Variants in RSBN1L observed in about 807,000 individuals in gnomAD.
The protein encoded by RSBN1L is round spermatid basic protein 1 like.
RSBN1L carries 30 observed loss-of-function variants against 67.7 expected under a neutral mutation model. The ratio of observed to expected loss-of-function variants is 0.44; its 90% CI spans 0.33 to 0.60. The LOEUF (loss-of-function observed/expected upper bound fraction) is 0.60. Among genes scored for constraint, RSBN1L ranks in the 20% least tolerant of loss-of-function variants. RSBN1L has a pLI of 0.02. For missense variants in RSBN1L, 992 were observed against 1,031.7 expected, an observed-to-expected ratio of 0.96 and a Z score of 0.53; for synonymous variants, 433 against 387.0, an observed-to-expected ratio of 1.12 and a Z score of -1.39.
chr7:77,773,082 T>G lies in RSBN1L; in HGVS notation c.1626-65T>G, dbSNP rs76065544. On this transcript the variant is annotated intron_variant, in intron 5 of 7. Coordinates refer to ENST00000334955, the MANE Select transcript of RSBN1L (RefSeq NM_198467.3). ...TATATTTTTGTCTGAATTATGTGAT[T>G]ATTGAATGTTTGATAGCAATTAAGT... 3,957 of 831,706 alleles carry G rather than the reference T, an allele frequency of 4.8e-3. 90 individuals are homozygous for G. Among genetic ancestry groups the G allele is most frequent in the East Asian group, 0.043 (1,565 of 36,514 alleles). The allele number at this position is 831,706 out of a possible 1,614,324, so 51.5% of individuals were successfully genotyped here.
At chr7:77,726,377 G>A (rs1398032494) in intron 1 of RSBN1L, among the ~76,000 whole-genome samples, 3 of 152,060 alleles carry the variant, frequency 2.0e-5, no homozygotes, top group South Asian at 2.1e-4. Context: ...CGCTTTTAAT[G>A]ACCTTGATTG....
intron 1 of RSBN1L, among the ~76,000 whole-genome samples, chr7:77,730,309 C>A (rs1791257438): frequency 6.6e-6 from 1 of 152,138 alleles, no homozygotes; most frequent in Non-Finnish European, 1.5e-5. Flanking sequence ...TCTCATATAT[C>A]CTCTCCCCCG....
intron 1 of RSBN1L, among the ~76,000 whole-genome samples, chr7:77,703,739 C>T (rs569965420): frequency 4.6e-5 from 7 of 152,070 alleles, no homozygotes; most frequent in East Asian, 1.9e-4. Flanking sequence ...CTGCCTGCCT[C>T]GGCCTCCCAA....
rs534066560 is a variant in RSBN1L at position 77,778,290 on chromosome 7, G to C, written c.1794-48G>C. On this transcript the variant is annotated intron_variant, in intron 6 of 7. Transcript: ENST00000334955. ...CTTTGAGTTTAATAAGGACTCAAAA[G>C]AGTGAAGCATTTATGGCAGATTCTT... is the stretch of plus-strand genomic sequence containing the variant. 6.0e-5 allele frequency: 79 copies of C among 1,311,342 alleles called. No homozygotes were observed. The Admixed American group carries it at 1.2e-3, about 20-fold the overall frequency. 81.2% of individuals were successfully genotyped at this position (1,311,342 alleles called of 1,614,324 possible). A position where few individuals can be genotyped will look rare whatever the true frequency, so the allele number is the denominator to read the frequency against.
chr7:77,706,267 G>A (rs1790890487), intron 1 of RSBN1L, among the ~76,000 whole-genome samples: 1 of 151,800 alleles, frequency 6.6e-6, no homozygotes, highest in African/African-American at 2.4e-5. Context: ...TAGTAGAGAT[G>A]GGGTTTCACC....
intron 2 of RSBN1L, among the ~76,000 whole-genome samples, chr7:77,743,249 T>G (rs945278690): frequency 6.6e-6 from 1 of 152,146 alleles, no homozygotes; most frequent in Non-Finnish European, 1.5e-5. Flanking sequence ...AGACAGTGTC[T>G]TGCTTTGTTT....
At chr7:77,740,604 G>C (rs145076572) in intron 2 of RSBN1L, among the ~76,000 whole-genome samples, 2 of 152,220 alleles carry the variant, frequency 1.3e-5, no homozygotes, top group East Asian at 3.9e-4. Flanking sequence ...GAGAAAGATA[G>C]ATATAAATTT....
intron 1 of RSBN1L, among the ~76,000 whole-genome samples, chr7:77,720,452 C>T (rs1003205540): frequency 9.2e-5 from 14 of 151,938 alleles, no homozygotes; most frequent in South Asian, 2.1e-4. Flanking sequence ...CCCAGCTACT[C>T]GGGAGGCTGA....
chr7:77,768,204 C>T (rs543171235), intron 4 of RSBN1L, among the ~76,000 whole-genome samples: 1 of 152,216 alleles, frequency 6.6e-6, no homozygotes, highest in East Asian at 1.9e-4. Flanking sequence ...AAGCCAACAA[C>T]CTCTTCAAGA....
intron 1 of RSBN1L, among the ~76,000 whole-genome samples, chr7:77,720,769 T>C (rs912900969): frequency 1.5e-4 from 21 of 141,858 alleles, no homozygotes; most frequent in South Asian, 1.4e-3. Flanking sequence ...TTTTCTTTTT[T>C]TTTTTTTTTT....
At chr7:77,768,092 T>C (rs936667510) in intron 4 of RSBN1L, among the ~76,000 whole-genome samples, 18 of 151,516 alleles carry the variant, frequency 1.2e-4, no homozygotes, top group Admixed American at 2.6e-4. Context: ...CTTGACCTTG[T>C]GATCCGCCCG....
intron 1 of RSBN1L, among the ~76,000 whole-genome samples, chr7:77,697,899 T>A (rs1243809718): frequency 6.6e-6 from 1 of 152,220 alleles, no homozygotes; most frequent in Admixed American, 6.5e-5. Context: ...CCACTTCAGC[T>A]ACGGATACAC....
chr7:77,779,024 G>T lies in RSBN1L; in HGVS notation c.2397G>T (p.Lys799Asn). Residue 799 changes from lysine (K) to asparagine (N), a missense_variant, in exon 8 of 8, where the codon AAG becomes AAT. Lys to Asn is a moderately conservative substitution (Grantham distance 94). Transcript: ENST00000334955. ...ATCATGTTCAATTTGCAGAATTTAA[G>T]ATTGACATGGATTCTAAATTTGAAA... ...KLDHVQFAEF[K>N]IDMDSKFENS... is the part of the protein sequence containing the mutation. 1 of 1,613,986 alleles carries T rather than the reference G, an allele frequency of 6.2e-7. No individual in the cohort carries two copies. Among genetic ancestry groups the T allele is most frequent in the Non-Finnish European group, 8.5e-7 (1 of 1,179,964 alleles).
chr7:77,775,855 A>T (rs1211605444), intron 6 of RSBN1L, among the ~76,000 whole-genome samples: 2 of 152,190 alleles, frequency 1.3e-5, no homozygotes, highest in Non-Finnish European at 2.9e-5. Flanking sequence ...CAGGAGTTCC[A>T]GACCAGCCTG....
chr7:77,721,385 G>A (rs1791117774), intron 1 of RSBN1L, among the ~76,000 whole-genome samples: 1 of 152,128 alleles, frequency 6.6e-6, no homozygotes, highest in African/African-American at 2.4e-5. Context: ...AGGTTCTACA[G>A]AAGGTAGCAA....
At chr7:77,719,934 A>G (rs752360129) in intron 1 of RSBN1L, among the ~76,000 whole-genome samples, 5 of 151,964 alleles carry the variant, frequency 3.3e-5, no homozygotes, top group Non-Finnish European at 4.4e-5. Flanking sequence ...CTGGCTAATT[A>G]TTGTATTTTC....
rs763031132 is a variant in RSBN1L, at chr7:77,696,913, C to CGCCGCT, written c.448_453dup (p.Ala150_Ala151dup). Reference sequence around the variant, plus strand: ...ACCATCTCCTCCTGCCCGCCGCCGCCGCCGCTGCCTCGGCTAACGCCAAGT... The same window carrying CGCCGCT: ...ACCATCTCCTCCTGCCCGCCGCCGCCGCCGCTGCCGCTGCCTCGGCTAACGCCAAGT... On this transcript the variant is annotated inframe_insertion, in exon 1 of 8. Coordinates refer to ENST00000334955, the MANE Select transcript of RSBN1L (RefSeq NM_198467.3). 89 of 1,604,262 alleles carry CGCCGCT rather than the reference C, an allele frequency of 5.5e-5. No homozygotes were observed. Among genetic ancestry groups the CGCCGCT allele is most frequent in the Non-Finnish European group, 7.0e-5 (82 of 1,179,586 alleles).
chr7:77,767,726 G>GCCTCC (rs137883473), intron 4 of RSBN1L, among the ~76,000 whole-genome samples: 4 of 89,912 alleles, frequency 4.4e-5, no homozygotes, highest in South Asian at 7.8e-4. Context: ...CTCTCGCCTC[G>GCCTCC]CCTCCCCTCC....
At chr7:77,721,091 G>A (rs1244286037) in intron 1 of RSBN1L, among the ~76,000 whole-genome samples, 7 of 151,958 alleles carry the variant, frequency 4.6e-5, no homozygotes. Context: ...GGCCCGCTTT[G>A]TGCTTGGGTG....
Sources: gnomAD v4.1 joint callset for allele counts (sites outside exome capture counted in the v4.1 genomes callset) on GRCh38, gnomAD v4.1.1 for gene constraint, MANE v1.5 for transcripts, NCBI Gene and HGNC (gene_info 2026-07-23, HGNC 2026-07-21) for gene names.